LIMS2: variants seen among roughly 807,000 people sequenced by gnomAD.
LIMS2 encodes LIM zinc finger domain containing 2.
In LIMS2, 30 loss-of-function variants were observed where a neutral mutation model predicts 45.3. The ratio of observed to expected loss-of-function variants is 0.66; its 90% CI spans 0.50 to 0.90. LIMS2 has a LOEUF of 0.90. Ranked by LOEUF, LIMS2 falls within the 40% of genes least tolerant of loss-of-function variation. LIMS2 has a pLI of 0.00. For missense variants in LIMS2, 485 were observed against 468.7 expected (o/e 1.03, Z -0.32); for synonymous variants, 173 against 188.0 (o/e 0.92, Z 0.65).
chr2:127,663,658 G>C (rs1684822449), intron 1 of LIMS2, among the ~76,000 whole-genome samples: 1 of 89,908 alleles, frequency 1.1e-5, no homozygotes, highest in South Asian at 4.0e-4. Context: ...GCCCAGCCTT[G>C]GCCTCCTCCC....
At chr2:127,657,035 C>CACCGCA (rs1684304411) in intron 2 of LIMS2, among the ~76,000 whole-genome samples, 1 of 152,238 alleles carries the variant, frequency 6.6e-6, no homozygotes, top group Non-Finnish European at 1.5e-5. Context: ...CCGCACCCCA[C>CACCGCA]CCCGGGAACC....
chr2:127,658,862 C>T (rs1156908823), intron 1 of LIMS2, among the ~76,000 whole-genome samples: 1 of 152,184 alleles, frequency 6.6e-6, no homozygotes, highest in East Asian at 1.9e-4. Flanking sequence ...AGTGCAGTGC[C>T]TTTGGGAATA....
Position 127,653,412 on chromosome 2 carries a change from A to G in LIMS2, c.359+1012T>C, listed in dbSNP as rs115846204. Among the ~76,000 whole-genome samples, 1,474 of 152,268 alleles carry G rather than the reference A, an allele frequency of 9.7e-3. 27 individuals are homozygous for G. Among genetic ancestry groups the G allele is most frequent in the African/African-American group, 0.033 (1,390 of 41,550 alleles). On this transcript the variant is annotated intron_variant, in intron 4 of 9. Coordinates refer to ENST00000355119, the MANE Select transcript of LIMS2 (RefSeq NM_001161403.3). This position sits in a 1 kb window ranked among gnomAD's most constrained non-coding sequence, Gnocchi z 5.3. ...CGTTTGGGATGCCTGGTGGACACCA[A>G]GTGGAGGTGACATGTGGGCAGCTGA...
intron 4 of LIMS2, among the ~76,000 whole-genome samples, chr2:127,648,981 G>GGGGA (rs1171897227): frequency 4.2e-5 from 1 of 23,798 alleles, no homozygotes; most frequent in African/African-American, 1.6e-4. Flanking sequence ...AGGGGAGGGA[G>GGGGA]GGGAGGGGAG....
rs762554883 is a variant in LIMS2, at chr2:127,642,075, C to T, written c.634G>A (p.Ala212Thr). ...TCCACGTGCCACTGCTTGCCCAGCG[C>T]GTTGACCACTCGGCCCTCGATGGGC... Reference protein sequence around the residue: ...RRPIEGRVVNALGKQWHVEHF... With the variant: ...RRPIEGRVVNTLGKQWHVEHF... The change falls in exon 6 of 10, where the codon GCG becomes ACG. Residue 212 changes from alanine to threonine, a missense_variant. Transcript: ENST00000355119. The surrounding 1 kb of genome is among the most constrained non-coding windows in gnomAD (Gnocchi z 5.3). 1.7e-5 allele frequency: 27 copies of T among 1,611,272 alleles called. No homozygotes were observed. The highest frequency in any genetic ancestry group is 1.3e-4 in the Admixed American group (8 of 59,852).
At chr2:127,641,974 C>T in intron 6 of LIMS2, 75 bp downstream of exon 6, 2 of 1,520,144 alleles carry the variant, frequency 1.3e-6, no homozygotes, top group Non-Finnish European at 8.9e-7. Flanking sequence ...TGTGGAGGAG[C>T]TTTAGGGCTC....
At chr2:127,677,438 G>A (rs1367810474), upstream of LIMS2, among the ~76,000 whole-genome samples, 2 of 152,178 alleles carry the variant, frequency 1.3e-5, no homozygotes, top group African/African-American at 4.8e-5. This position sits in a 1 kb window ranked among gnomAD's most constrained non-coding sequence, Gnocchi z 5.0. Context: ...TTTCTGAGCA[G>A]GTGACATTCA....
In LIMS2 at chr2:127,640,165, C is replaced by T. The variant is rs768172919; in HGVS notation, c.803-20G>A. 6.2e-7 allele frequency: 1 copy of T among 1,613,156 alleles called. No individual in the cohort carries two copies. Among genetic ancestry groups the T allele is most frequent in the Admixed American group, 1.7e-5 (1 of 60,030 alleles). On this transcript the variant is annotated intron_variant, in intron 8 of 9. Coordinates refer to ENST00000355119, the MANE Select transcript of LIMS2 (RefSeq NM_001161403.3). ...ACACCACTGTGAGGGAAGCGTGGGA[C>T]TCAGCAGGCCTGGCTAGGCTGCCGC...
At chr2:127,675,599 C>T (rs1294184943), upstream of LIMS2, among the ~76,000 whole-genome samples, 2 of 152,078 alleles carry the variant, frequency 1.3e-5, no homozygotes, top group Non-Finnish European at 2.9e-5. Flanking sequence ...AGCACCCCCA[C>T]CCCCACAGCC....
chr2:127,653,017 G>C lies in LIMS2; in HGVS notation c.359+1407C>G, dbSNP rs971253526. 6.6e-6 allele frequency among the ~76,000 whole-genome samples: 1 copy of C among 152,222 alleles called. No individual in the cohort carries two copies. Among genetic ancestry groups the C allele is most frequent in the Non-Finnish European group, 1.5e-5 (1 of 68,034 alleles). ...CTCCACACACCCTGTCGGCGACGTT[G>C]CTGGTCAGCACGAGCTCCTGGTGCT... On this transcript the variant is annotated intron_variant, in intron 4 of 9. Transcript: ENST00000355119. The surrounding 1 kb of genome is among the most constrained non-coding windows in gnomAD (Gnocchi z 5.3).
In LIMS2 at chr2:127,642,885, C is replaced by T; in HGVS notation, c.509+38G>A. On this transcript the variant is annotated intron_variant, in intron 5 of 9. Transcript: ENST00000355119. This position sits in a 1 kb window ranked among gnomAD's most constrained non-coding sequence, Gnocchi z 5.3. The stretch of plus-strand genomic sequence containing the variant: ...CCTTACCCTGGGCCAGCCCTGGCTC[C>T]CCGCCCCCACAACTGCAGGGCCGGG... The T allele has an allele frequency of 6.5e-7, 1 of 1,544,462 alleles. No individual in the cohort carries two copies. The highest frequency in any genetic ancestry group is 8.8e-7 in the Non-Finnish European group (1 of 1,142,514).
At position 127,664,285 on chromosome 2, in the gene LIMS2, G is replaced by C; in HGVS notation, c.12-6723C>G. On this transcript the variant is annotated intron_variant, in intron 1 of 9. Transcript: ENST00000355119. This position sits in a 1 kb window ranked among gnomAD's most constrained non-coding sequence, Gnocchi z 5.5. ...TTTCCGGCCATTGTCCCCGCCACCC[G>C]CCCCGCCCCTGGCCACCTACCCCGT... 1 of 1,232,966 alleles carries C rather than the reference G, an allele frequency of 8.1e-7. No homozygotes were observed. Among genetic ancestry groups the C allele is most frequent in the East Asian group, 3.3e-5 (1 of 30,698 alleles). 76.4% of individuals were successfully genotyped at this position (1,232,966 alleles called of 1,614,324 possible).
intron 6 of LIMS2, 186 bp downstream of exon 6, chr2:127,641,863 G>T (rs1682442364): frequency 1.6e-6 from 1 of 606,916 alleles, no homozygotes; most frequent in Non-Finnish European, 2.8e-6. Flanking sequence ...GGGTCTCCTG[G>T]CTCCCGTGGG....
rs767012328 is a variant in LIMS2 at position 127,650,080 on chromosome 2, G to A, written c.359+4344C>T. The A allele has an allele frequency of 2.0e-5, 32 of 1,601,182 alleles. No homozygotes were observed. In the East Asian group the frequency reaches 6.5e-4, roughly 33 times the overall value. On this transcript the variant is annotated intron_variant, in intron 4 of 9. Transcript: ENST00000355119. Reference sequence around the variant, plus strand: ...GAGAGATGCTGAAACTCTCAGGTGGGTAAAAAGAGTAGACCTCTGACGTCC... The same window carrying A: ...GAGAGATGCTGAAACTCTCAGGTGGATAAAAAGAGTAGACCTCTGACGTCC...
intron 4 of LIMS2, among the ~76,000 whole-genome samples, chr2:127,649,608 G>C (rs1683489437): frequency 6.6e-6 from 1 of 152,236 alleles, no homozygotes; most frequent in African/African-American, 2.4e-5. Context: ...TCGCAGGCCT[G>C]GGTTGGGGAG....
chr2:127,678,778 G>A (rs1305552030), upstream of LIMS2, among the ~76,000 whole-genome samples: 3 of 152,100 alleles, frequency 2.0e-5, no homozygotes, highest in Non-Finnish European at 4.4e-5. The surrounding 1 kb of genome is among the most constrained non-coding windows in gnomAD (Gnocchi z 5.3). Context: ...GGGACAGTCT[G>A]GGCAGGTTAG....
At chr2:127,656,993 G>A (rs548028544) in intron 2 of LIMS2, among the ~76,000 whole-genome samples, 1 of 152,160 alleles carries the variant, frequency 6.6e-6, no homozygotes, top group African/African-American at 2.4e-5. Flanking sequence ...CTCCCCTCAG[G>A]TGTGCCCAAA....
In LIMS2 at chr2:127,642,753, G is replaced by T; in HGVS notation, c.509+170C>A. The T allele has an allele frequency of 1.4e-6, 1 of 714,464 alleles. No individual in the cohort carries two copies. Among genetic ancestry groups the T allele is most frequent in the Non-Finnish European group, 2.3e-6 (1 of 443,874 alleles). The allele number at this position is 714,464 out of a possible 1,614,324, so 44.3% of individuals were successfully genotyped here. A position where few individuals can be genotyped will look rare whatever the true frequency, so the allele number is the denominator to read the frequency against. ...AGCTTCCTGCCATGGCTGCTTCCCA[G>T]CCCCCAGCCCACCTCTGCCCTGCAG... is the stretch of plus-strand genomic sequence containing the variant. On this transcript the variant is annotated intron_variant, in intron 5 of 9. Transcript: ENST00000355119. This position sits in a 1 kb window ranked among gnomAD's most constrained non-coding sequence, Gnocchi z 5.3.
intron 4 of LIMS2, chr2:127,651,887 A>G: frequency 1.2e-6 from 1 of 814,530 alleles, no homozygotes; most frequent in South Asian, 1.8e-5. Context: ...CCATTTCTCT[A>G]GATCGCCTAG....
Sources: gnomAD v4.1 joint callset for allele counts (sites outside exome capture counted in the v4.1 genomes callset) on GRCh38, gnomAD v4.1.1 for gene constraint, Gnocchi (gnomAD v3.1) non-coding constraint, MANE v1.5 for transcripts, NCBI Gene and HGNC (gene_info 2026-07-23, HGNC 2026-07-21) for gene names.